Variants in FNBP1L observed in about 807,000 individuals in gnomAD.
FNBP1L encodes the protein formin binding protein 1 like.
A neutral mutation model predicts 91.2 loss-of-function variants in FNBP1L; 36 were observed. That is an observed-to-expected ratio of 0.39 (90% confidence interval 0.30 to 0.52). The LOEUF (loss-of-function observed/expected upper bound fraction) is 0.52, where lower values mean the gene tolerates loss of function less well. Ranked by LOEUF, FNBP1L falls within the 20% of genes least tolerant of loss-of-function variation. The probability of loss-of-function intolerance (pLI) is 0.66; values close to 1 mark genes in which losing one functional copy is unlikely to be tolerated. For synonymous variants in FNBP1L, 242 were observed against 237.0 expected, an observed-to-expected ratio of 1.02 and a Z score of -0.19; for missense variants, 571 against 732.1, an observed-to-expected ratio of 0.78 and a Z score of 2.54.
chr1:93,510,226 G>A (rs1670780218), intron 2 of FNBP1L, among the ~76,000 whole-genome samples: 2 of 152,342 alleles, frequency 1.3e-5, no homozygotes, highest in African/African-American at 4.8e-5. Context: ...GCTTTGAAGA[G>A]AACAGTGGTT....
rs1041151747 is a variant in FNBP1L at position 93,514,322 on chromosome 1, C to A, written c.141-7760C>A. Among the ~76,000 whole-genome samples the A allele has an allele frequency of 3.3e-5, 5 of 151,766 alleles. No homozygotes were observed. In the East Asian group the frequency reaches 5.8e-4, roughly 18 times the overall value. ...GCTCGTGGGTAGGAAGAATCAATATCGTGAAAATGGCCATACTGCCCAAGG... is the reference window on the plus strand; with the variant it reads ...GCTCGTGGGTAGGAAGAATCAATATAGTGAAAATGGCCATACTGCCCAAGG... On this transcript the variant is annotated intron_variant, in intron 2 of 16. Transcript: ENST00000271234.
intron 1 of FNBP1L, among the ~76,000 whole-genome samples, chr1:93,487,224 C>T (rs1425001747): frequency 6.6e-6 from 1 of 152,136 alleles, no homozygotes; most frequent in African/African-American, 2.4e-5. Context: ...TTTTTCTTCC[C>T]CCCAAATGTT....
intron 2 of FNBP1L, among the ~76,000 whole-genome samples, chr1:93,520,414 A>G (rs1671283038): frequency 6.6e-6 from 1 of 152,196 alleles, no homozygotes; most frequent in African/African-American, 2.4e-5. Flanking sequence ...TTTAGTTTCC[A>G]ATCCATTGTG....
intron 1 of FNBP1L, among the ~76,000 whole-genome samples, chr1:93,452,476 A>T (rs1276204209): frequency 6.6e-6 from 1 of 152,248 alleles, no homozygotes; most frequent in Non-Finnish European, 1.5e-5. Flanking sequence ...AATTTACTTG[A>T]TTGATAGCTT....
At chr1:93,520,004 A>G (rs1048806939) in intron 2 of FNBP1L, among the ~76,000 whole-genome samples, 6 of 152,094 alleles carry the variant, frequency 3.9e-5, no homozygotes, top group East Asian at 1.9e-4. Flanking sequence ...AACTCAATAC[A>G]TGTTGATCTG....
chr1:93,466,209 G>T (rs927566049), intron 1 of FNBP1L, among the ~76,000 whole-genome samples: 1 of 152,118 alleles, frequency 6.6e-6, no homozygotes, highest in African/African-American at 2.4e-5. Context: ...AGTTTAATTA[G>T]ATCCCCTTTG....
At chr1:93,479,323 A>G (rs1669609833) in intron 1 of FNBP1L, among the ~76,000 whole-genome samples, 1 of 152,220 alleles carries the variant, frequency 6.6e-6, no homozygotes, top group Admixed American at 6.5e-5. Context: ...GGCAAGGACA[A>G]AAGCAAAGAT....
chr1:93,526,685 G>A (rs974726775), intron 5 of FNBP1L, among the ~76,000 whole-genome samples: 2 of 152,058 alleles, frequency 1.3e-5, no homozygotes, highest in African/African-American at 4.8e-5. Flanking sequence ...GCTGTACTTC[G>A]TCTGCCACAC....
In FNBP1L at chr1:93,499,451, T is replaced by G; in HGVS notation, c.25-17T>G. The stretch of plus-strand genomic sequence containing the variant: ...ATTTTAGACTTTTGAAAATGCATTT[T>G]TATCTTCCTTTTCCAGGATCAGTTC... On this transcript the variant is annotated splice_polypyrimidine_tract_variant and intron_variant, in intron 1 of 16. Coordinates refer to ENST00000271234, the MANE Select transcript of FNBP1L (RefSeq NM_001164473.3). 1 of 1,511,254 alleles carries G rather than the reference T, an allele frequency of 6.6e-7. No individual in the cohort carries two copies. The highest frequency in any genetic ancestry group is 9.0e-7 in the Non-Finnish European group (1 of 1,108,998). 93.6% of individuals were successfully genotyped at this position (1,511,254 alleles called of 1,614,324 possible). A position where few individuals can be genotyped will look rare whatever the true frequency, so the allele number is the denominator to read the frequency against.
chr1:93,514,149 G>A (rs568742792), intron 2 of FNBP1L, among the ~76,000 whole-genome samples: 6 of 152,252 alleles, frequency 3.9e-5, no homozygotes, highest in Admixed American at 3.9e-4. Context: ...CAAATCATGA[G>A]TGAACTCCCA....
chr1:93,548,708 G>A (rs1672314422), intron 14 of FNBP1L, among the ~76,000 whole-genome samples: 1 of 152,080 alleles, frequency 6.6e-6, no homozygotes, highest in Non-Finnish European at 1.5e-5. Context: ...AGCTCTAGGC[G>A]AGTATTCCTG....
chr1:93,481,512 TAATC>T (rs1241169001), intron 1 of FNBP1L, among the ~76,000 whole-genome samples: 6 of 152,180 alleles, frequency 3.9e-5, no homozygotes, highest in African/African-American at 9.7e-5. Flanking sequence ...AAAATAATAA[TAATC>T]AAACATCTTA....
chr1:93,450,220 A>G (rs999110218), intron 1 of FNBP1L, among the ~76,000 whole-genome samples: 5 of 152,098 alleles, frequency 3.3e-5, no homozygotes, highest in Admixed American at 1.3e-4. Context: ...CCATTCCTCT[A>G]CTGTCTCCTA....
At chr1:93,535,931 A>G (rs188500338) in intron 9 of FNBP1L, among the ~76,000 whole-genome samples, 134 of 152,160 alleles carry the variant, frequency 8.8e-4, no homozygotes, top group African/African-American at 3.0e-3. Flanking sequence ...TACAGTTTTA[A>G]TATTTTATGT....
At chr1:93,536,569 A>G in intron 10 of FNBP1L, 79 bp downstream of exon 10, 1 of 1,287,328 alleles carries the variant, frequency 7.8e-7, no homozygotes, top group Non-Finnish European at 1.0e-6. Flanking sequence ...CACCCTCATT[A>G]TAAGGCTCTC....
At chr1:93,510,782 C>A (rs979298533) in intron 2 of FNBP1L, among the ~76,000 whole-genome samples, 2 of 152,050 alleles carry the variant, frequency 1.3e-5, no homozygotes, top group African/African-American at 4.8e-5. Flanking sequence ...AGCTGAAAAC[C>A]AAGGCTCAAG....
At chr1:93,500,453 A>G (rs1158767867) in intron 2 of FNBP1L, among the ~76,000 whole-genome samples, 3 of 151,986 alleles carry the variant, frequency 2.0e-5, no homozygotes, top group East Asian at 3.9e-4. Flanking sequence ...ACCTTTGGGG[A>G]GAAAGGAAGG....
At chr1:93,504,700 TGG>T (rs1172360406) in intron 2 of FNBP1L, among the ~76,000 whole-genome samples, 8 of 152,210 alleles carry the variant, frequency 5.3e-5, no homozygotes, top group South Asian at 2.1e-4. Flanking sequence ...TATCTCCCTG[TGG>T]TTCTGACTTG....
chr1:93,536,235 T>A (rs1175674631), intron 9 of FNBP1L, 97 bp from the exon 10 acceptor site: 1 of 805,702 alleles, frequency 1.2e-6, no homozygotes, highest in Admixed American at 4.0e-5. Context: ...ATTTGAGATA[T>A]ATTTTGTGAA....
Sources: gnomAD v4.1 joint callset for allele counts (sites outside exome capture counted in the v4.1 genomes callset) on GRCh38, gnomAD v4.1.1 for gene constraint, MANE v1.5 for transcripts, NCBI Gene and HGNC (gene_info 2026-07-23, HGNC 2026-07-21) for gene names.